EGF: variants seen among roughly 807,000 people sequenced by gnomAD.
EGF encodes epidermal growth factor.
A neutral mutation model predicts 143.8 loss-of-function variants in EGF; 95 were observed. The observed-to-expected ratio is 0.66, with a 90% CI of 0.56 to 0.78. The LOEUF (loss-of-function observed/expected upper bound fraction) is 0.78, where lower values mean the gene tolerates loss of function less well. Ranked by LOEUF, EGF falls within the 30% of genes least tolerant of loss-of-function variation. The pLI is 0.00. For synonymous variants in EGF, 510 were observed against 510.5 expected (o/e 1.00, Z 0.01); for missense variants, 1,320 against 1,470.9 (o/e 0.90, Z 1.68).
rs11568985 is a variant in EGF at position 109,969,780 on chromosome 4, C to A, written c.1724+661C>A. Among the ~76,000 whole-genome samples, 837 of 152,164 alleles carry A rather than the reference C, an allele frequency of 5.5e-3. 6 individuals carry two copies. The highest frequency in any genetic ancestry group is 0.019 in the African/African-American group (781 of 41,500). On this transcript the variant is annotated intron_variant, in intron 11 of 23. Transcript: ENST00000265171. ...CTAAGATGTGCTCCATCTTTTCAGT[C>A]GGTTCTTAGTTTAGCTGGGGAGATA...
At chr4:109,950,915 G>A (rs1743782744) in intron 5 of EGF, among the ~76,000 whole-genome samples, 1 of 152,182 alleles carries the variant, frequency 6.6e-6, no homozygotes. Context: ...CTTAGCTGGA[G>A]TTGTCTGTCT....
At chr4:109,939,856 TAA>T (rs1055956981) in intron 1 of EGF, among the ~76,000 whole-genome samples, 3 of 152,084 alleles carry the variant, frequency 2.0e-5, no homozygotes, top group Admixed American at 6.5e-5. Context: ...CAGAATGGAG[TAA>T]GCCCAGCACA....
Position 109,974,690 on chromosome 4 carries a change from G to T in EGF, c.1725-13G>T. 1 of 1,589,364 alleles carries T rather than the reference G, an allele frequency of 6.3e-7. No homozygotes were observed. Among genetic ancestry groups the T allele is most frequent in the South Asian group, 1.1e-5 (1 of 90,576 alleles). ...GTGTTATAACAAACTCCCTTATTTTGCACATATTTTAGGAAATCTCTGATT... is the reference window on the plus strand; with the variant it reads ...GTGTTATAACAAACTCCCTTATTTTTCACATATTTTAGGAAATCTCTGATT... On this transcript the variant is annotated splice_polypyrimidine_tract_variant and intron_variant, in intron 11 of 23. Coordinates refer to ENST00000265171, the MANE Select transcript of EGF (RefSeq NM_001963.6).
At chr4:109,965,132 T>C (rs1746341348) in intron 10 of EGF, among the ~76,000 whole-genome samples, 1 of 152,190 alleles carries the variant, frequency 6.6e-6, no homozygotes, top group African/African-American at 2.4e-5. Flanking sequence ...TGATCTCTAA[T>C]TTCTTAGTTG....
chr4:109,983,577 C>A (rs756901241), intron 16 of EGF, 36 bp downstream of exon 16: 2 of 1,612,366 alleles, frequency 1.2e-6, no homozygotes, highest in South Asian at 2.2e-5. Flanking sequence ...ACCTTTGGTT[C>A]CAACAGTTTC....
In EGF at chr4:109,981,785, C is replaced by A. The variant is rs1227597872; in HGVS notation, c.2371+810C>A. 2.0e-5 allele frequency among the ~76,000 whole-genome samples: 3 copies of A among 152,114 alleles called. No homozygotes were observed. In the East Asian group the frequency reaches 5.8e-4, roughly 29 times the overall value. ...TACTTATGTTTTTCCTCTAGCTAACCATCATAACTTTAGTATGCACTGAAA... is the reference window on the plus strand; with the variant it reads ...TACTTATGTTTTTCCTCTAGCTAACAATCATAACTTTAGTATGCACTGAAA... On this transcript the variant is annotated intron_variant, in intron 15 of 23. Transcript: ENST00000265171.
At chr4:109,965,273 A>G (rs1024228498) in intron 10 of EGF, among the ~76,000 whole-genome samples, 4 of 152,166 alleles carry the variant, frequency 2.6e-5, no homozygotes, top group Admixed American at 2.0e-4. Context: ...TATGTGGTAC[A>G]TTAATTCCTA....
At chr4:109,924,058 A>C (rs1194339297) in intron 1 of EGF, among the ~76,000 whole-genome samples, 5 of 151,754 alleles carry the variant, frequency 3.3e-5, no homozygotes, top group Non-Finnish European at 7.3e-5. Context: ...AAGTGCCACA[A>C]AAAAGAAAGT....
At chr4:109,931,590 C>G (rs1191668856) in intron 1 of EGF, among the ~76,000 whole-genome samples, 3 of 152,268 alleles carry the variant, frequency 2.0e-5, no homozygotes, top group Admixed American at 1.3e-4. Flanking sequence ...TGAATTTCCT[C>G]TTAATTAGAT....
At chr4:109,955,365 T>C (rs543129813) in intron 5 of EGF, among the ~76,000 whole-genome samples, 33 of 152,176 alleles carry the variant, frequency 2.2e-4, no homozygotes, top group Non-Finnish European at 1.2e-4. Context: ...GCATTCTCAG[T>C]GCTGGCTTTG....
chr4:109,979,153 C>G (rs552008211), intron 13 of EGF, among the ~76,000 whole-genome samples: 1 of 152,206 alleles, frequency 6.6e-6, no homozygotes, highest in South Asian at 2.1e-4. Flanking sequence ...TGCCCACTTA[C>G]TGTTAGTAGG....
rs1745333476 is a variant in EGF at position 109,959,441 on chromosome 4, A to G, written c.1066+4A>G. On this transcript the variant is annotated splice_donor_region_variant and intron_variant, in intron 6 of 23. Coordinates refer to ENST00000265171, the MANE Select transcript of EGF (RefSeq NM_001963.6). ...CGAGACCGGAAGTACTGTGAAGGTA[A>G]TGACTGGAAGTACTGTGAAGGTAAT... 1 of 1,613,752 alleles carries G rather than the reference A, an allele frequency of 6.2e-7. No homozygotes were observed. The highest frequency in any genetic ancestry group is 1.1e-5 in the South Asian group (1 of 91,074).
intron 12 of EGF, 57 bp from the exon 13 acceptor site, chr4:109,975,955 G>T (rs1301842128): frequency 3.2e-6 from 5 of 1,545,002 alleles, no homozygotes; most frequent in East Asian, 2.2e-5. Flanking sequence ...AATGATGAAA[G>T]AACAGAATAA....
rs35397046 is a variant in EGF at position 109,912,912 on chromosome 4, G to A, written c.-424G>A. 6.4e-3 allele frequency: 1,204 copies of A among 188,554 alleles called. 14 individuals are homozygous for A. The highest frequency in any genetic ancestry group is 0.027 in the African/African-American group (1,126 of 42,262). 11.7% of individuals were successfully genotyped at this position (188,554 alleles called of 1,614,324 possible). A position where few individuals can be genotyped will look rare whatever the true frequency, so the allele number is the denominator to read the frequency against. On this transcript the variant is annotated 5_prime_UTR_variant, in exon 1 of 24. Transcript: ENST00000265171. The stretch of plus-strand genomic sequence containing the variant: ...AAGAGAAACTGTTGGGAGAGGAATC[G>A]TATCTCCATATTTCTTCTTTCAGCC...
chr4:109,915,940 GAGCTAC>G (rs939831457), intron 1 of EGF, among the ~76,000 whole-genome samples: 10 of 152,228 alleles, frequency 6.6e-5, no homozygotes, highest in African/African-American at 1.9e-4. Flanking sequence ...GCGTCTACTT[GAGCTAC>G]AGCAGGTGAG....
intron 10 of EGF, among the ~76,000 whole-genome samples, chr4:109,967,033 GC>G (rs1374197168): frequency 6.6e-6 from 1 of 152,098 alleles, no homozygotes; most frequent in African/African-American, 2.4e-5. Flanking sequence ...CTGTGCAGAA[GC>G]TTTTTAGTTT....
chr4:109,944,542 G>A (rs1490479547), intron 4 of EGF, among the ~76,000 whole-genome samples: 4 of 152,206 alleles, frequency 2.6e-5, no homozygotes, highest in African/African-American at 9.6e-5. Context: ...TTAACGTGAG[G>A]ATAATCATAA....
intron 22 of EGF, 45 bp from the exon 23 acceptor site, chr4:110,008,107 T>C: frequency 6.5e-7 from 1 of 1,549,002 alleles, no homozygotes; most frequent in Non-Finnish European, 8.9e-7. Context: ...AGATAATTTG[T>C]GAATTTTAAC....
chr4:110,004,350 T>C, intron 21 of EGF, 155 bp from the exon 22 acceptor site: 1 of 762,698 alleles, frequency 1.3e-6, no homozygotes, highest in African/African-American at 1.7e-5. Flanking sequence ...CTTAAACATC[T>C]AAAGTTATGT....
Sources: gnomAD v4.1 joint callset for allele counts (sites outside exome capture counted in the v4.1 genomes callset) on GRCh38, gnomAD v4.1.1 for gene constraint, MANE v1.5 for transcripts, NCBI Gene and HGNC (gene_info 2026-07-23, HGNC 2026-07-21) for gene names.